MAP3K14: variants seen among roughly 807,000 people sequenced by gnomAD.
The protein encoded by MAP3K14 is NF-kappa-beta-inducing kinase.
MAP3K14 carries 16 observed loss-of-function variants against 99.2 expected under a neutral mutation model. The observed-to-expected ratio is 0.16, with a 90% CI of 0.11 to 0.24. The LOEUF is 0.24. Ranked by LOEUF, MAP3K14 falls within the 10% of genes least tolerant of loss-of-function variation. The pLI is 1.00. For missense variants in MAP3K14, 784 were observed against 1,208.7 expected (o/e 0.65, Z 5.21); for synonymous variants, 462 against 492.4 (o/e 0.94, Z 0.82).
intron 11 of MAP3K14, among the ~76,000 whole-genome samples, chr17:45,268,871 C>T (rs2044119646): frequency 6.6e-6 from 1 of 152,160 alleles, no homozygotes; most frequent in South Asian, 2.1e-4. Context: ...AGTCTGCAGA[C>T]GTCTGCCTGA....
intron 1 of MAP3K14, among the ~76,000 whole-genome samples, chr17:45,311,731 A>C (rs1005350929): frequency 6.6e-6 from 1 of 152,226 alleles, no homozygotes; most frequent in Non-Finnish European, 1.5e-5. Context: ...AGAGACTCCA[A>C]CTCAGGTGGC....
intron 3 of MAP3K14, 107 bp from the exon 4 acceptor site, chr17:45,287,471 G>C: frequency 1.1e-6 from 1 of 930,574 alleles, no homozygotes; most frequent in Non-Finnish European, 1.6e-6. Context: ...CAAATCCCAG[G>C]TTGCCATTCC....
chr17:45,290,025 C>T (rs144102251), intron 2 of MAP3K14, among the ~76,000 whole-genome samples: 2 of 152,214 alleles, frequency 1.3e-5, no homozygotes, highest in African/African-American at 4.8e-5. Context: ...AGCAGCCTGC[C>T]GCCCCAGGAC....
intron 6 of MAP3K14, among the ~76,000 whole-genome samples, chr17:45,278,278 G>A (rs2044194911): frequency 6.6e-6 from 1 of 152,100 alleles, no homozygotes; most frequent in Non-Finnish European, 1.5e-5. Flanking sequence ...AATACAAGGT[G>A]CTTTAGAAGT....
intron 1 of MAP3K14, among the ~76,000 whole-genome samples, chr17:45,292,963 C>T (rs2143835183): frequency 6.6e-6 from 1 of 152,292 alleles, no homozygotes; most frequent in African/African-American, 2.4e-5. Flanking sequence ...ATGCCCACTC[C>T]CCAAGCTCCT....
intron 1 of MAP3K14, among the ~76,000 whole-genome samples, chr17:45,307,992 AG>A (rs2143868231): frequency 6.6e-6 from 1 of 152,312 alleles, no homozygotes; most frequent in East Asian, 1.9e-4. Flanking sequence ...TGAGTGGCAG[AG>A]GGGTCCCTTT....
At chr17:45,282,104 T>C (rs2044227976) in intron 6 of MAP3K14, 1 of 152,200 alleles carries the variant, frequency 6.6e-6, no homozygotes, top group African/African-American at 2.4e-5. Context: ...TTTATTTCTA[T>C]TTTTTACTCT....
intron 1 of MAP3K14, among the ~76,000 whole-genome samples, chr17:45,315,404 T>C (rs1180566629): frequency 6.6e-6 from 1 of 152,154 alleles, no homozygotes; most frequent in Non-Finnish European, 1.5e-5. Flanking sequence ...GGTACTTATC[T>C]CTAAAATTAG....
chr17:45,306,278 C>A (rs1414246596), intron 1 of MAP3K14, among the ~76,000 whole-genome samples: 1 of 152,018 alleles, frequency 6.6e-6, no homozygotes, highest in African/African-American at 2.4e-5. Context: ...ACTTTTATGT[C>A]AAAGCCCATA....
Position 45,270,489 on chromosome 17 carries a change from C to G in MAP3K14, c.1896G>C (p.Glu632Asp), listed in dbSNP as rs568751178. 5.2e-5 allele frequency: 83 copies of G among 1,610,370 alleles called. No individual in the cohort carries two copies. The East Asian group carries it at 1.9e-3, about 36-fold the overall frequency. The stretch of plus-strand genomic sequence containing the variant: ...GGTGGATGGGCTCTTTCCTCAGCCC[C>G]TCTTGGATGGCCTGGGCTGTGAGAG... ...CAPLTAQAIQ[E>D]GLRKEPIHRV... The change falls in exon 11 of 16, where the codon GAG (glutamate) becomes GAC (aspartate). Residue 632 changes from glutamate to aspartate, a missense_variant. Around this residue, in one of 5 missense-constraint regions of MAP3K14, gnomAD observed 200 missense variants for 367.9 expected, o/e 0.54. Coordinates refer to ENST00000344686, the MANE Select transcript of MAP3K14 (RefSeq NM_003954.5).
chr17:45,284,771 C>A, intron 6 of MAP3K14, 41 bp downstream of exon 6: 2 of 1,556,232 alleles, frequency 1.3e-6, no homozygotes, highest in Non-Finnish European at 1.7e-6. Flanking sequence ...AGGCCCCCTT[C>A]CTGGCTTCCC....
Position 45,267,343 on chromosome 17 carries a change from C to T in MAP3K14, c.2326+63G>A, listed in dbSNP as rs536010742. The T allele has an allele frequency of 2.0e-5, 30 of 1,492,640 alleles. No homozygotes were observed. The highest frequency in any genetic ancestry group is 4.9e-5 in the East Asian group (2 of 40,588). 92.5% of individuals were successfully genotyped at this position (1,492,640 alleles called of 1,614,324 possible). A position where few individuals can be genotyped will look rare whatever the true frequency, so the allele number is the denominator to read the frequency against. On this transcript the variant is annotated intron_variant, in intron 12 of 15. Coordinates refer to ENST00000344686, the MANE Select transcript of MAP3K14 (RefSeq NM_003954.5). This position sits in a 1 kb window ranked among gnomAD's most constrained non-coding sequence, Gnocchi z 5.1. ...CCACACCGCAGGTAAAGAGAAACAC[C>T]GGCCTCCGCGGGTGGCCCAGGGCCA... is the stretch of plus-strand genomic sequence containing the variant.
intron 6 of MAP3K14, among the ~76,000 whole-genome samples, chr17:45,277,963 C>T (rs1239902505): frequency 2.0e-5 from 3 of 152,232 alleles, no homozygotes; most frequent in South Asian, 2.1e-4. Context: ...AATAATCTGG[C>T]GGTTTGGAAA....
intron 6 of MAP3K14, among the ~76,000 whole-genome samples, chr17:45,279,571 C>T (rs1004654780): frequency 8.5e-4 from 129 of 152,056 alleles, no homozygotes; most frequent in African/African-American, 1.2e-4. Context: ...TAGCTGGTGG[C>T]GCCATCATGC....
Position 45,264,357 on chromosome 17 carries a change from A to C in MAP3K14, c.*279T>G, listed in dbSNP as rs1053130665. 3 of 414,082 alleles carry C rather than the reference A, an allele frequency of 7.2e-6. No homozygotes were observed. Among genetic ancestry groups the C allele is most frequent in the Non-Finnish European group, 1.3e-5 (3 of 225,526 alleles). 25.7% of individuals were successfully genotyped at this position (414,082 alleles called of 1,614,324 possible). ...CAGGCCAACTCGACTGGAGCAGGGC[A>C]GAGAAGATCCTGTTTGTTTCCCGAG... On this transcript the variant is annotated 3_prime_UTR_variant, in exon 16 of 16. Coordinates refer to ENST00000344686, the MANE Select transcript of MAP3K14 (RefSeq NM_003954.5).
intron 13 of MAP3K14, 107 bp from the exon 14 acceptor site, chr17:45,266,788 A>T: frequency 7.8e-7 from 1 of 1,288,888 alleles, no homozygotes; most frequent in Non-Finnish European, 1.1e-6. Context: ...CCTCAGCTGG[A>T]GGAGGGTAAG....
At chr17:45,309,409 G>A (rs1006011736) in intron 1 of MAP3K14, among the ~76,000 whole-genome samples, 2 of 152,182 alleles carry the variant, frequency 1.3e-5, no homozygotes, top group Admixed American at 6.5e-5. Context: ...GACCAGCACC[G>A]GGGTTGACCT....
chr17:45,308,358 G>C (rs1357063497), intron 1 of MAP3K14, among the ~76,000 whole-genome samples: 1 of 152,204 alleles, frequency 6.6e-6, no homozygotes, highest in East Asian at 1.9e-4. Flanking sequence ...GCACTGCCTT[G>C]ATCTACCTGC....
intron 1 of MAP3K14, among the ~76,000 whole-genome samples, chr17:45,305,125 T>A (rs549873659): frequency 6.8e-4 from 103 of 152,126 alleles, no homozygotes; most frequent in African/African-American, 2.4e-3. Context: ...TGAGACGGAG[T>A]CTTGCTCTGT....
Sources: allele counts gnomAD v4.1 joint callset (sites outside exome capture counted in the v4.1 genomes callset), GRCh38; gene constraint gnomAD v4.1.1; regional missense constraint gnomAD v4.1.1; non-coding constraint Gnocchi (gnomAD v3.1); transcripts MANE v1.5; gene names NCBI Gene and HGNC (gene_info 2026-07-23, HGNC 2026-07-21).